VPS9D1: variants seen among roughly 807,000 people sequenced by gnomAD.
The protein encoded by VPS9D1 is VPS9 domain-containing protein 1.
A neutral mutation model predicts 75.8 loss-of-function variants in VPS9D1; 78 were observed. That is an observed-to-expected ratio of 1.03 (90% confidence interval 0.86 to 1.24). The LOEUF is 1.24. Among genes scored for constraint, VPS9D1 ranks in the 50% most tolerant of loss-of-function variants. The pLI is 0.00. For synonymous variants in VPS9D1, 481 were observed against 385.6 expected (o/e 1.25, Z -2.90); for missense variants, 1,057 against 847.7 (o/e 1.25, Z -3.07).
At position 89,717,961 on chromosome 16, in the gene VPS9D1, C is replaced by T. The variant is rs113008859; in HGVS notation, c.175+1066G>A. ...CTGTGCTCCCACGTCCAGTGGCTCC[C>T]CCGACCTCTGTGCTCCCACGTCCAG... On this transcript the variant is annotated intron_variant, in intron 2 of 14. Transcript: ENST00000389386. 103 of 436,066 alleles carry T rather than the reference C, an allele frequency of 2.4e-4. No individual in the cohort carries two copies. In the Middle Eastern group the frequency reaches 2.8e-3, roughly 12 times the overall value. 27.0% of individuals were successfully genotyped at this position (436,066 alleles called of 1,614,324 possible). A position where few individuals can be genotyped will look rare whatever the true frequency, so the allele number is the denominator to read the frequency against.
chr16:89,711,052 T>C, intron 9 of VPS9D1, 42 bp from the exon 10 acceptor site: 1 of 1,429,794 alleles, frequency 7.0e-7, no homozygotes, highest in Non-Finnish European at 9.1e-7. Flanking sequence ...AGCCTCGGCC[T>C]CTCCGTGGCA....
chr16:89,712,923 C>A, intron 4 of VPS9D1: 1 of 478,068 alleles, frequency 2.1e-6, no homozygotes, highest in South Asian at 3.2e-5. Context: ...GTGGCTCCCG[C>A]CTCTAATGCC....
rs2060875407 is a variant in VPS9D1 at position 89,709,856 on chromosome 16, C to T, written c.1309G>A (p.Ala437Thr). The change falls in exon 11 of 15, where the codon GCC (alanine) becomes ACC (threonine). Residue 437 changes from alanine to threonine, a missense_variant. Physicochemically the swap from Ala to Thr is moderately conservative, Grantham distance 58 (BLOSUM62 0). Coordinates refer to ENST00000389386, the MANE Select transcript of VPS9D1 (RefSeq NM_004913.3). ...LLAFEGLNTA[A>T]SKDRCLACIE... ...CAGGCCAGGCAGCGGTCCTTGGAGGCAGCTGTGTTTAGGCCTTCGAAGGCC... is the reference window on the plus strand; with the variant it reads ...CAGGCCAGGCAGCGGTCCTTGGAGGTAGCTGTGTTTAGGCCTTCGAAGGCC... The T allele has an allele frequency of 6.2e-7, 1 of 1,613,574 alleles. No individual in the cohort carries two copies. Among genetic ancestry groups the T allele is most frequent in the Middle Eastern group, 1.6e-4 (1 of 6,078 alleles).
chr16:89,711,662 C>G, intron 8 of VPS9D1: 3 of 677,874 alleles, frequency 4.4e-6, no homozygotes, highest in Non-Finnish European at 7.3e-6. Flanking sequence ...TCGCTGGGAC[C>G]CTCCCACGCG....
Position 89,708,534 on chromosome 16 carries a change from G to A in VPS9D1, c.1698-3C>T, listed in dbSNP as rs750804272. On this transcript the variant is annotated splice_region_variant and splice_polypyrimidine_tract_variant and intron_variant, in intron 13 of 14. Coordinates refer to ENST00000389386, the MANE Select transcript of VPS9D1 (RefSeq NM_004913.3). The stretch of plus-strand genomic sequence containing the variant: ...TGGGCAGCAGGTCATCGGCACCACT[G>A]TCGGGAGGGCATAGCGGCCTTGGGT... 9.9e-6 allele frequency: 16 copies of A among 1,612,082 alleles called. 1 individual carries two copies. In the South Asian group the frequency reaches 1.5e-4, roughly 16 times the overall value.
Position 89,716,724 on chromosome 16 carries a change from A to T in VPS9D1, c.268+6T>A. 2 of 1,588,556 alleles carry T rather than the reference A, an allele frequency of 1.3e-6. No individual in the cohort carries two copies. The highest frequency in any genetic ancestry group is 1.7e-6 in the Non-Finnish European group (2 of 1,166,886). On this transcript the variant is annotated splice_donor_region_variant and intron_variant, in intron 3 of 14. Coordinates refer to ENST00000389386, the MANE Select transcript of VPS9D1 (RefSeq NM_004913.3). ...CCAGGAGAGCCGCCTACTGCAGGAG[A>T]CCCACCAAGCTTGGCGGCCGTCGAC... is the stretch of plus-strand genomic sequence containing the variant.
At chr16:89,709,704 C>T in intron 11 of VPS9D1, 73 bp downstream of exon 11, 2 of 1,604,008 alleles carry the variant, frequency 1.2e-6, no homozygotes, top group Non-Finnish European at 1.7e-6. Flanking sequence ...TGCCAGGGAG[C>T]AGGGCAGGCC....
At position 89,707,763 on chromosome 16, in the gene VPS9D1, CCAGGATGGTCCT is replaced by C; in HGVS notation, c.*86_*97del. 7 of 1,109,294 alleles carry C rather than the reference CCAGGATGGTCCT, an allele frequency of 6.3e-6. No homozygotes were observed. The highest frequency in any genetic ancestry group is 9.4e-6 in the Non-Finnish European group (7 of 743,208). 68.7% of individuals were successfully genotyped at this position (1,109,294 alleles called of 1,614,324 possible). A position where few individuals can be genotyped will look rare whatever the true frequency, so the allele number is the denominator to read the frequency against. ...ACCATGTGCAGAGCAGCGTGAGGCT[CCAGGATGGTCCT>C]CAGTAGATCCCATGGCTCCAGGTGT... On this transcript the variant is annotated 3_prime_UTR_variant, in exon 15 of 15. Coordinates refer to ENST00000389386, the MANE Select transcript of VPS9D1 (RefSeq NM_004913.3).
intron 2 of VPS9D1, chr16:89,717,639 C>A: frequency 2.2e-6 from 1 of 456,554 alleles, no homozygotes; most frequent in Non-Finnish European, 4.4e-6. Flanking sequence ...CCCGACTCCC[C>A]CCGGAAACTG....
At chr16:89,714,419 T>C (rs573518295) in intron 4 of VPS9D1, among the ~76,000 whole-genome samples, 1 of 152,334 alleles carries the variant, frequency 6.6e-6, no homozygotes, top group African/African-American at 2.4e-5. Flanking sequence ...AGAAGTGTCC[T>C]GTCTCCTTTA....
chr16:89,720,395 G>A, intron 1 of VPS9D1: 2 of 1,001,604 alleles, frequency 2.0e-6, no homozygotes, highest in Non-Finnish European at 2.4e-6. Context: ...TGTGGCAACC[G>A]GATTAAATCT....
At chr16:89,708,643 G>A (rs960607094) in intron 13 of VPS9D1, 112 bp from the exon 14 acceptor site, 7 of 1,244,070 alleles carry the variant, frequency 5.6e-6, no homozygotes, top group Non-Finnish European at 7.9e-6. Flanking sequence ...GTGCCCTTCT[G>A]CGCAGAGGCA....
At chr16:89,711,047 C>T (rs753729196) in intron 9 of VPS9D1, 37 bp from the exon 10 acceptor site, 12 of 1,431,888 alleles carry the variant, frequency 8.4e-6, no homozygotes, top group African/African-American at 4.3e-5. Context: ...CGGCCAGCCT[C>T]GGCCTCTCCG....
intron 1 of VPS9D1, 35 bp downstream of exon 1, chr16:89,720,728 C>T (rs770214751): frequency 7.8e-6 from 11 of 1,418,160 alleles, no homozygotes; most frequent in Non-Finnish European, 9.2e-6. Flanking sequence ...AGGGGCCACC[C>T]TCAGCGGCCA....
At chr16:89,717,721 C>T in intron 2 of VPS9D1, 1 of 456,658 alleles carries the variant, frequency 2.2e-6, no homozygotes, top group South Asian at 1.5e-5. Flanking sequence ...ACTTTGCTCT[C>T]CCCAGGGGAT....
rs2060819969 is a variant in VPS9D1, at chr16:89,707,415, G to C, written c.*446C>G. 1 of 158,492 alleles carries C rather than the reference G, an allele frequency of 6.3e-6. No homozygotes were observed. The highest frequency in any genetic ancestry group is 2.4e-5 in the African/African-American group (1 of 41,478). The allele number at this position is 158,492 out of a possible 1,614,324, so 9.8% of individuals were successfully genotyped here. A position where few individuals can be genotyped will look rare whatever the true frequency, so the allele number is the denominator to read the frequency against. On this transcript the variant is annotated 3_prime_UTR_variant, in exon 15 of 15. Transcript: ENST00000389386. ...CCCAGACAAGAAACTAGTTCATGGG[G>C]CTACAACTCCCCTTCTAGGGGTCAG...
intron 10 of VPS9D1, 38 bp downstream of exon 10, chr16:89,710,548 G>A (rs1169868754): frequency 6.4e-7 from 1 of 1,552,672 alleles, no homozygotes; most frequent in Non-Finnish European, 8.7e-7. Context: ...CAGGGGTGAA[G>A]AGCTGCGGCG....
chr16:89,718,335 C>T (rs1396578816), intron 2 of VPS9D1, among the ~76,000 whole-genome samples: 2 of 152,168 alleles, frequency 1.3e-5, no homozygotes, highest in African/African-American at 4.8e-5. Flanking sequence ...TCCTCTCCCT[C>T]AAAGCTCAAA....
In VPS9D1 at chr16:89,711,315, AG is replaced by A; in HGVS notation, c.833+11del. The A allele has an allele frequency of 1.2e-6, 2 of 1,602,612 alleles. No individual in the cohort carries two copies. Among genetic ancestry groups the A allele is most frequent in the Non-Finnish European group, 1.7e-6 (2 of 1,174,778 alleles). Reference sequence around the variant, plus strand: ...TGCGCAGGGGCTCTGTGGGGCCTGAAGGCCCAGCTACCTGAGCAGGTGTGAG... The same window carrying A: ...TGCGCAGGGGCTCTGTGGGGCCTGAAGCCCAGCTACCTGAGCAGGTGTGAG... On this transcript the variant is annotated intron_variant, in intron 9 of 14. Coordinates refer to ENST00000389386, the MANE Select transcript of VPS9D1 (RefSeq NM_004913.3).
Sources: allele counts gnomAD v4.1 joint callset (sites outside exome capture counted in the v4.1 genomes callset), GRCh38; gene constraint gnomAD v4.1.1; transcripts MANE v1.5; gene names NCBI Gene and HGNC (gene_info 2026-07-23, HGNC 2026-07-21).